Variants in FOXK1 observed in about 807,000 individuals in gnomAD.
FOXK1 encodes forkhead box protein K1.
A neutral mutation model predicts 51.9 loss-of-function variants in FOXK1; 19 were observed. The ratio of observed to expected loss-of-function variants is 0.37; its 90% CI spans 0.26 to 0.54. FOXK1 has a LOEUF of 0.54. FOXK1 is among the 20% of genes least tolerant of loss of function. FOXK1 has a pLI of 0.87. For synonymous variants in FOXK1, 537 were observed against 482.6 expected, an observed-to-expected ratio of 1.11 and a Z score of -1.48; for missense variants, 870 against 1,032.7, an observed-to-expected ratio of 0.84 and a Z score of 2.16.
intron 2 of FOXK1, among the ~76,000 whole-genome samples, chr7:4,752,817 G>A (rs1320428400): frequency 3.3e-5 from 5 of 152,234 alleles, no homozygotes; most frequent in Non-Finnish European, 5.9e-5. Context: ...CTCCGGCCAT[G>A]AGGCCATCCT....
chr7:4,754,606 C>G lies in FOXK1; in HGVS notation c.894C>G (p.Asp298Glu), dbSNP rs984467039. The G allele has an allele frequency of 3.1e-6, 5 of 1,604,184 alleles. No individual in the cohort carries two copies. Among genetic ancestry groups the G allele is most frequent in the Non-Finnish European group, 4.2e-6 (5 of 1,179,884 alleles). ...SEQQADTSGG[D>E]SPKDESKPPF... ...AGCAGGCAGACACGTCTGGAGGAGA[C>G]AGCCCCAAGGTCTGAGCCCACCTGG... The change falls in exon 3 of 9, where the codon GAC becomes GAG. Residue 298 changes from aspartate to glutamate, a missense_variant. Asp to Glu is a conservative substitution (Grantham distance 45). Transcript: ENST00000328914.
At chr7:4,684,056 C>G (rs146730564) in intron 1 of FOXK1, among the ~76,000 whole-genome samples, 2 of 152,268 alleles carry the variant, frequency 1.3e-5, no homozygotes, top group South Asian at 4.1e-4. Context: ...GGTAGCATCC[C>G]GTGGTCACCT....
rs925024131 is a variant in FOXK1, at chr7:4,733,855, G to A, written c.561-6983G>A. Reference sequence around the variant, plus strand: ...GGAGCCTTTCCCTGGTCTTTAGTCCGGCTGACATCCTCTCTCTGGCCGTCA... The same window carrying A: ...GGAGCCTTTCCCTGGTCTTTAGTCCAGCTGACATCCTCTCTCTGGCCGTCA... On this transcript the variant is annotated intron_variant, in intron 1 of 8. Transcript: ENST00000328914. This position sits in a 1 kb window ranked among gnomAD's most constrained non-coding sequence, Gnocchi z 5.0. Among the ~76,000 whole-genome samples, 12 of 152,206 alleles carry A rather than the reference G, an allele frequency of 7.9e-5. No homozygotes were observed. Among genetic ancestry groups the A allele is most frequent in the Admixed American group, 1.3e-4 (2 of 15,284 alleles).
At position 4,734,021 on chromosome 7, in the gene FOXK1, G is replaced by C. The variant is rs1780518574; in HGVS notation, c.561-6817G>C. Among the ~76,000 whole-genome samples, 1 of 152,192 alleles carries C rather than the reference G, an allele frequency of 6.6e-6. No individual in the cohort carries two copies. Among genetic ancestry groups the C allele is most frequent in the Admixed American group, 6.5e-5 (1 of 15,286 alleles). On this transcript the variant is annotated intron_variant, in intron 1 of 8. Coordinates refer to ENST00000328914, the MANE Select transcript of FOXK1 (RefSeq NM_001037165.2). The surrounding 1 kb of genome is among the most constrained non-coding windows in gnomAD (Gnocchi z 5.2). ...ACGTGCCGTGGGTGAAGCTTCACCT[G>C]GCGCAGGGAAGGCCATCAGACTTCC...
At chr7:4,706,150 C>A (rs1299766659) in intron 1 of FOXK1, among the ~76,000 whole-genome samples, 1 of 151,612 alleles carries the variant, frequency 6.6e-6, no homozygotes, top group African/African-American at 2.4e-5. Context: ...ATAGAACTCT[C>A]CACAAAGGTA....
rs542037691 is a variant in FOXK1 at position 4,723,405 on chromosome 7, G to T, written c.561-17433G>T. On this transcript the variant is annotated intron_variant, in intron 1 of 8. Transcript: ENST00000328914. This position sits in a 1 kb window ranked among gnomAD's most constrained non-coding sequence, Gnocchi z 4.7. ...TTTCTGTGGGGTTTTTTTTTTGGAC[G>T]TTCCCAGCTGACTAAATTTGCCTTC... Among the ~76,000 whole-genome samples the T allele has an allele frequency of 6.6e-6, 1 of 151,482 alleles. No individual in the cohort carries two copies. Among genetic ancestry groups the T allele is most frequent in the African/African-American group, 2.4e-5 (1 of 41,216 alleles).
At chr7:4,698,290 G>A (rs188819524) in intron 1 of FOXK1, among the ~76,000 whole-genome samples, 13 of 150,288 alleles carry the variant, frequency 8.7e-5, no homozygotes, top group Admixed American at 3.3e-4. Flanking sequence ...CTGAGAGTGC[G>A]ATTTTATATA....
chr7:4,724,796 A>T (rs922014134), intron 1 of FOXK1, among the ~76,000 whole-genome samples: 1 of 152,060 alleles, frequency 6.6e-6, no homozygotes, highest in African/African-American at 2.4e-5. Flanking sequence ...GGGAGAGAGG[A>T]GGGAGGGATG....
chr7:4,707,272 T>C lies in FOXK1; in HGVS notation c.560+24404T>C, dbSNP rs1034152452. On this transcript the variant is annotated intron_variant, in intron 1 of 8. Transcript: ENST00000328914. The surrounding 1 kb of genome is among the most constrained non-coding windows in gnomAD (Gnocchi z 4.1). Reference sequence around the variant, plus strand: ...GGTGTTCTGGTGGAGGGGACGCTGGTAAAGAGCAGGTCTGGCTCAGTGCTT... The same window carrying C: ...GGTGTTCTGGTGGAGGGGACGCTGGCAAAGAGCAGGTCTGGCTCAGTGCTT... Among the ~76,000 whole-genome samples the C allele has an allele frequency of 6.6e-6, 1 of 152,106 alleles. No individual in the cohort carries two copies. The highest frequency in any genetic ancestry group is 1.5e-5 in the Non-Finnish European group (1 of 68,024).
Position 4,768,339 on chromosome 7 carries a change from A to C in FOXK1, c.*5875A>C, listed in dbSNP as rs1252227957. 1.4e-5 allele frequency: 2 copies of C among 138,962 alleles called. No homozygotes were observed. Among genetic ancestry groups the C allele is most frequent in the African/African-American group, 6.6e-5 (2 of 30,138 alleles). The allele number at this position is 138,962 out of a possible 1,614,324, so 8.6% of individuals were successfully genotyped here. A position where few individuals can be genotyped will look rare whatever the true frequency, so the allele number is the denominator to read the frequency against. Reference sequence around the variant, plus strand: ...AGTAGAGACGGGGTTTCACCGTGTTAGCCAGGATGGTCTCGATCTCCTGAC... The same window carrying C: ...AGTAGAGACGGGGTTTCACCGTGTTCGCCAGGATGGTCTCGATCTCCTGAC... On this transcript the variant is annotated 3_prime_UTR_variant, in exon 9 of 9. Transcript: ENST00000328914.
intron 1 of FOXK1, among the ~76,000 whole-genome samples, chr7:4,728,823 A>G (rs71524036): frequency 1.4e-4 from 21 of 152,044 alleles, no homozygotes; most frequent in Non-Finnish European, 2.8e-4. Flanking sequence ...AAGGCTGCCT[A>G]GATAGAGAAG....
Position 4,747,206 on chromosome 7 carries a change from T to C in FOXK1, c.746+6183T>C, listed in dbSNP as rs769029150. Among the ~76,000 whole-genome samples, 1 of 152,172 alleles carries C rather than the reference T, an allele frequency of 6.6e-6. No homozygotes were observed. The highest frequency in any genetic ancestry group is 1.5e-5 in the Non-Finnish European group (1 of 68,036). Reference sequence around the variant, plus strand: ...TCAGCCTCGGGTGACAAGCGGCTTGTGTGGAGTAGGCCTGTTGCATGGCTT... The same window carrying C: ...TCAGCCTCGGGTGACAAGCGGCTTGCGTGGAGTAGGCCTGTTGCATGGCTT... On this transcript the variant is annotated intron_variant, in intron 2 of 8. Coordinates refer to ENST00000328914, the MANE Select transcript of FOXK1 (RefSeq NM_001037165.2). This position sits in a 1 kb window ranked among gnomAD's most constrained non-coding sequence, Gnocchi z 9.2.
At chr7:4,684,698 C>T (rs917817137) in intron 1 of FOXK1, among the ~76,000 whole-genome samples, 1 of 152,138 alleles carries the variant, frequency 6.6e-6, no homozygotes, top group Non-Finnish European at 1.5e-5. Flanking sequence ...TACAGACGCA[C>T]CTTTATATAA....
intron 1 of FOXK1, among the ~76,000 whole-genome samples, chr7:4,726,792 A>G (rs1780386685): frequency 6.6e-6 from 1 of 152,212 alleles, no homozygotes; most frequent in Non-Finnish European, 1.5e-5. Flanking sequence ...GGGAAATGAC[A>G]ACACAGGCGC....
chr7:4,712,532 C>T (rs1204469268), intron 1 of FOXK1, among the ~76,000 whole-genome samples: 1 of 152,138 alleles, frequency 6.6e-6, no homozygotes, highest in African/African-American at 2.4e-5. Flanking sequence ...ACCCATTTGT[C>T]CTGCCCCGCG....
intron 1 of FOXK1, among the ~76,000 whole-genome samples, chr7:4,700,645 G>A (rs763207204): frequency 1.8e-4 from 27 of 152,116 alleles, no homozygotes; most frequent in Non-Finnish European, 2.4e-4. Context: ...GTGAAACCCC[G>A]TCTCTACAAA....
chr7:4,706,318 T>C (rs145008500), intron 1 of FOXK1, among the ~76,000 whole-genome samples: 29 of 152,296 alleles, frequency 1.9e-4, no homozygotes, highest in Admixed American at 1.5e-3. Flanking sequence ...AATACCCCTT[T>C]TCTGTGAATG....
At position 4,683,474 on chromosome 7, in the gene FOXK1, A is replaced by G. The variant is rs1232625299; in HGVS notation, c.560+606A>G. On this transcript the variant is annotated intron_variant, in intron 1 of 8. Transcript: ENST00000328914. The surrounding 1 kb of genome is among the most constrained non-coding windows in gnomAD (Gnocchi z 4.5). The stretch of plus-strand genomic sequence containing the variant: ...GCTAACCCCACAAGCCTGGGCTCGC[A>G]GGGCCACTCCCACCCCAGCTCCACC... Among the ~76,000 whole-genome samples the G allele has an allele frequency of 2.7e-5, 4 of 150,076 alleles. No individual in the cohort carries two copies. The highest frequency in any genetic ancestry group is 2.5e-5 in the African/African-American group (1 of 40,582).
At chr7:4,716,042 G>T (rs1413021421) in intron 1 of FOXK1, among the ~76,000 whole-genome samples, 1 of 152,092 alleles carries the variant, frequency 6.6e-6, no homozygotes, top group East Asian at 1.9e-4. Flanking sequence ...GACCAGTTTG[G>T]CCAATATGAT....
Sources: gnomAD v4.1 joint callset for allele counts (sites outside exome capture counted in the v4.1 genomes callset) on GRCh38, gnomAD v4.1.1 for gene constraint, Gnocchi (gnomAD v3.1) non-coding constraint, MANE v1.5 for transcripts, NCBI Gene and HGNC (gene_info 2026-07-23, HGNC 2026-07-21) for gene names.